The following RARB variants were observed in gnomAD, a reference collection of about 807,000 sequenced individuals.
RARB encodes HBV-activated protein.
A neutral mutation model predicts 51.9 loss-of-function variants in RARB; 17 were observed. The observed-to-expected ratio is 0.33, with a 90% confidence interval of 0.22 to 0.49. RARB has a LOEUF of 0.49. RARB is among the 20% of genes least tolerant of loss of function. The probability of loss-of-function intolerance (pLI) is 0.99; values close to 1 mark genes in which losing one functional copy is unlikely to be tolerated. For missense variants in RARB, 369 were observed against 550.8 expected, an observed-to-expected ratio of 0.67 and a Z score of 3.30; for synonymous variants, 215 against 195.4, an observed-to-expected ratio of 1.10 and a Z score of -0.84.
chr3:25,134,618 A>T (rs754857121), intron 4 of RARB, among the ~76,000 whole-genome samples: 1 of 151,924 alleles, frequency 6.6e-6, no homozygotes, highest in Non-Finnish European at 1.5e-5. Flanking sequence ...CAACTAAAAT[A>T]TTTTTTAGTT....
intron 2 of RARB, among the ~76,000 whole-genome samples, chr3:25,488,083 C>A (rs1290195220): frequency 6.6e-6 from 1 of 152,074 alleles, no homozygotes; most frequent in Non-Finnish European, 1.5e-5. Flanking sequence ...CCCACAATTC[C>A]CCAAAGTCTA....
chr3:25,360,411 G>A (rs988066128), intron 5 of RARB, among the ~76,000 whole-genome samples: 4 of 152,116 alleles, frequency 2.6e-5, no homozygotes, highest in South Asian at 2.1e-4. Flanking sequence ...ATACTGATGG[G>A]TCTTGACTTT....
Position 25,522,276 on chromosome 3 carries a change from T to C in RARB, c.448+20953T>C, listed in dbSNP as rs2125633231. 1.3e-5 allele frequency among the ~76,000 whole-genome samples: 2 copies of C among 152,276 alleles called. 1 individual carries two copies. Among genetic ancestry groups the C allele is most frequent in the East Asian group, 3.9e-4 (2 of 5,168 alleles). On this transcript the variant is annotated intron_variant, in intron 3 of 7. Coordinates refer to ENST00000330688, the MANE Select transcript of RARB (RefSeq NM_000965.5). Reference sequence around the variant, plus strand: ...AAAAATCCATCAAAATTGTACTTTCTATGTCCCTTGCCAGTAAACTGCGGT... The same window carrying C: ...AAAAATCCATCAAAATTGTACTTTCCATGTCCCTTGCCAGTAAACTGCGGT...
chr3:25,400,603 C>T (rs1707238478), intron 5 of RARB, among the ~76,000 whole-genome samples: 1 of 152,116 alleles, frequency 6.6e-6, no homozygotes, highest in South Asian at 2.1e-4. Context: ...GGAACAGAGT[C>T]AAGTGTACCT....
At chr3:24,907,243 A>C (rs1457610540) in intron 2 of RARB, among the ~76,000 whole-genome samples, 1 of 152,196 alleles carries the variant, frequency 6.6e-6, no homozygotes, top group African/African-American at 2.4e-5. Context: ...CACTTAGAGA[A>C]TTTGTTTATA....
At chr3:25,250,062 G>A (rs927716640) in intron 5 of RARB, among the ~76,000 whole-genome samples, 1 of 152,136 alleles carries the variant, frequency 6.6e-6, no homozygotes, top group Non-Finnish European at 1.5e-5. Context: ...ACAACCCTCT[G>A]ACTCCCAGGG....
chr3:25,259,667 G>A (rs917182111), intron 5 of RARB, among the ~76,000 whole-genome samples: 3 of 152,144 alleles, frequency 2.0e-5, no homozygotes, highest in African/African-American at 4.8e-5. Context: ...CAGCTAGTAT[G>A]AGTATAACTA....
chr3:25,535,768 G>GACATTAAATGGGAC, intron 3 of RARB, among the ~76,000 whole-genome samples: 1 of 152,268 alleles, frequency 6.6e-6, no homozygotes, highest in Admixed American at 6.5e-5. Context: ...TCTTAAATGG[G>GACATTAAATGGGAC]AAATAATATG....
intron 2 of RARB, among the ~76,000 whole-genome samples, chr3:24,936,414 C>T (rs1484695706): frequency 1.3e-5 from 2 of 152,112 alleles, no homozygotes; most frequent in Non-Finnish European, 2.9e-5. Context: ...TTAAAAGTCA[C>T]AGAATGGTAT....
intron 2 of RARB, among the ~76,000 whole-genome samples, chr3:24,884,708 T>C (rs1703236373): frequency 6.6e-6 from 1 of 152,226 alleles, no homozygotes; most frequent in African/African-American, 2.4e-5. Context: ...AGTTATCAAA[T>C]GGTTAAATAC....
chr3:24,834,278 A>C (rs1177870318), intron 1 of RARB, among the ~76,000 whole-genome samples: 2 of 152,234 alleles, frequency 1.3e-5, no homozygotes, highest in African/African-American at 2.4e-5. Flanking sequence ...AAATGAAATC[A>C]GATTAATTTC....
chr3:24,902,724 T>C (rs1703634801), intron 2 of RARB, among the ~76,000 whole-genome samples: 1 of 152,148 alleles, frequency 6.6e-6, no homozygotes, highest in African/African-American at 2.4e-5. Context: ...CACTGACATG[T>C]TTTGAAATGG....
intron 2 of RARB, among the ~76,000 whole-genome samples, chr3:24,897,430 G>A (rs1703500937): frequency 6.6e-6 from 1 of 152,090 alleles, no homozygotes; most frequent in Admixed American, 6.6e-5. Flanking sequence ...AGGGGAGATG[G>A]CTCCCGGACT....
At chr3:25,191,050 A>G (rs1701092043) in intron 5 of RARB, among the ~76,000 whole-genome samples, 1 of 152,164 alleles carries the variant, frequency 6.6e-6, no homozygotes, top group African/African-American at 2.4e-5. Context: ...ACAACTCTGT[A>G]AACACAAAGT....
In RARB at chr3:25,306,235, G is replaced by A. The variant is rs185994275; in HGVS notation, c.178+131660G>A. ...GCCAGCTGCCCCCCAGGAAGGCCTG[G>A]TATTCCTGTCCTCTCCGTGAACCTG... On this transcript the variant is annotated intron_variant, in intron 5 of 11. Coordinates refer to the RARB transcript ENST00000383772. Among the ~76,000 whole-genome samples the A allele has an allele frequency of 5.3e-5, 8 of 152,278 alleles. No individual in the cohort carries two copies. The East Asian group carries it at 1.5e-3, about 29-fold the overall frequency.
At chr3:25,022,018 C>T (rs1697649932) in intron 2 of RARB, among the ~76,000 whole-genome samples, 1 of 152,178 alleles carries the variant, frequency 6.6e-6, no homozygotes, top group African/African-American at 2.4e-5. Flanking sequence ...TAGAGGGCAA[C>T]AGAGGCACTG....
intron 5 of RARB, among the ~76,000 whole-genome samples, chr3:25,333,407 A>G (rs1434387086): frequency 6.6e-6 from 1 of 152,212 alleles, no homozygotes; most frequent in Non-Finnish European, 1.5e-5. Flanking sequence ...GACAAACCTG[A>G]CAAAAACAAG....
chr3:24,885,060 G>A (rs938890158), intron 2 of RARB, among the ~76,000 whole-genome samples: 1 of 152,110 alleles, frequency 6.6e-6, no homozygotes, highest in Non-Finnish European at 1.5e-5. Flanking sequence ...GATTCAGCTT[G>A]TCTACCAGCT....
intron 3 of RARB, among the ~76,000 whole-genome samples, chr3:25,068,355 G>A (rs1045975756): frequency 1.3e-5 from 2 of 151,650 alleles, no homozygotes; most frequent in Non-Finnish European, 1.5e-5. Context: ...GACACAAGTT[G>A]CAGAAGTTAA....
Sources: gnomAD v4.1 joint callset for allele counts (sites outside exome capture counted in the v4.1 genomes callset) on GRCh38, gnomAD v4.1.1 for gene constraint, MANE v1.5 for transcripts, NCBI Gene and HGNC (gene_info 2026-07-23, HGNC 2026-07-21) for gene names.